The following IL1RAPL2 variants were observed in gnomAD, a reference collection of about 807,000 sequenced individuals.
The protein encoded by IL1RAPL2 is interleukin 1 receptor accessory protein like 2.
In IL1RAPL2, 3 loss-of-function variants were observed where a neutral mutation model predicts 44.1. That is an observed-to-expected ratio of 0.07 (90% CI 0.03 to 0.18). IL1RAPL2 has a LOEUF of 0.18. Ranked by LOEUF, IL1RAPL2 falls within the 10% of genes least tolerant of loss-of-function variation. The probability of loss-of-function intolerance (pLI) is 1.00; values close to 1 mark genes in which losing one functional copy is unlikely to be tolerated. For missense variants in IL1RAPL2, 391 were observed against 496.4 expected (o/e 0.79, Z 2.02); for synonymous variants, 181 against 178.8 (o/e 1.01, Z -0.10).
At chrX:104,743,984 A>G (rs778860901) in intron 2 of IL1RAPL2, among the ~76,000 whole-genome samples, 1 of 110,350 alleles carries the variant, frequency 9.1e-6, no homozygotes, top group African/African-American at 3.3e-5. Flanking sequence ...GCAGAAAACA[A>G]CCTCACCTAA....
At chrX:104,684,597 A>T (rs1930948985) in intron 2 of IL1RAPL2, among the ~76,000 whole-genome samples, 1 of 112,221 alleles carries the variant, frequency 8.9e-6, no homozygotes, top group East Asian at 2.8e-4. Context: ...GGGTCATCTG[A>T]AGAGCTTGCG....
chrX:105,649,649 C>G (rs1378084267), intron 6 of IL1RAPL2, among the ~76,000 whole-genome samples: 1 of 111,308 alleles, frequency 9.0e-6, no homozygotes, highest in Non-Finnish European at 1.9e-5. Context: ...TACAGAGAGG[C>G]AGAGGTCAGA....
chrX:105,002,294 G>A, intron 2 of IL1RAPL2, among the ~76,000 whole-genome samples: 1 of 111,241 alleles, frequency 9.0e-6, no homozygotes, highest in Non-Finnish European at 1.9e-5. Flanking sequence ...AACAGAACAA[G>A]TTTGAGTGTA....
At chrX:104,946,379 C>CAAAAAAAAAAAAAA (rs1157603029) in intron 2 of IL1RAPL2, among the ~76,000 whole-genome samples, 116 of 9,139 alleles carry the variant, frequency 0.013, 44 homozygotes, top group East Asian at 0.019. Flanking sequence ...GACTCCGTCT[C>CAAAAAAAAAAAAAA]AAAAAAAAAA....
chrX:104,770,652 G>A (rs1454554390), intron 2 of IL1RAPL2, among the ~76,000 whole-genome samples: 1 of 112,082 alleles, frequency 8.9e-6, no homozygotes, highest in Non-Finnish European at 1.9e-5. Flanking sequence ...GATTTAAAGC[G>A]AGAGTCTGAC....
At chrX:105,555,014 A>C in intron 6 of IL1RAPL2, among the ~76,000 whole-genome samples, 1 of 109,880 alleles carries the variant, frequency 9.1e-6, no homozygotes, top group East Asian at 2.9e-4. Flanking sequence ...ATCATAACTC[A>C]AACATTTTCA....
intron 6 of IL1RAPL2, among the ~76,000 whole-genome samples, chrX:105,683,413 G>A (rs1186292925): frequency 1.8e-5 from 2 of 111,456 alleles, no homozygotes; most frequent in African/African-American, 6.5e-5. Context: ...TGTCCACAAG[G>A]TCAGAATTAA....
At chrX:105,563,484 C>T (rs778706282) in intron 6 of IL1RAPL2, among the ~76,000 whole-genome samples, 3 of 111,662 alleles carry the variant, frequency 2.7e-5, no homozygotes, top group East Asian at 2.8e-4. Flanking sequence ...TAACAGAAAG[C>T]CCTTAGAAAG....
At chrX:105,293,489 G>A (rs1208290743) in intron 5 of IL1RAPL2, among the ~76,000 whole-genome samples, 2 of 112,035 alleles carry the variant, frequency 1.8e-5, no homozygotes, top group Non-Finnish European at 3.8e-5. Flanking sequence ...CCCACCAGCA[G>A]TGACTGAGAA....
chrX:105,230,223 C>T (rs1331807618), intron 3 of IL1RAPL2, among the ~76,000 whole-genome samples: 1 of 111,069 alleles, frequency 9.0e-6, no homozygotes, highest in Non-Finnish European at 1.9e-5. Context: ...TCTCTTGATA[C>T]ACTTCTTTTT....
chrX:104,675,633 A>G (rs1436727488), intron 2 of IL1RAPL2, among the ~76,000 whole-genome samples: 2 of 110,875 alleles, frequency 1.8e-5, no homozygotes, highest in African/African-American at 6.6e-5. Flanking sequence ...TGCAGAGCTG[A>G]GTTCAATTCC....
chrX:104,604,403 G>C (rs1229622019), intron 1 of IL1RAPL2, among the ~76,000 whole-genome samples: 3 of 110,429 alleles, frequency 2.7e-5, no homozygotes, highest in Non-Finnish European at 5.7e-5. Context: ...ATCAACTAAT[G>C]GTCAAAACAA....
At chrX:105,140,319 G>A (rs927384765) in intron 2 of IL1RAPL2, among the ~76,000 whole-genome samples, 1 of 112,208 alleles carries the variant, frequency 8.9e-6, no homozygotes, top group Non-Finnish European at 1.9e-5. Context: ...TACCTCTTCC[G>A]GCTTTCCTTC....
At chrX:104,576,326 T>C (rs1928243638) in intron 1 of IL1RAPL2, among the ~76,000 whole-genome samples, 1 of 111,665 alleles carries the variant, frequency 9.0e-6, no homozygotes, top group South Asian at 3.8e-4. Context: ...ACAGATACTA[T>C]TTAGCTCAGT....
At position 105,415,417 on chromosome X, in the gene IL1RAPL2, A is replaced by G. The variant is rs143390620; in HGVS notation, c.698-68896A>G. On this transcript the variant is annotated intron_variant, in intron 5 of 10. Transcript: ENST00000372582. ...TACTGCTATACCTACTCTCTTAAAT[A>G]TGGGAGTAGCATTATTTGTGTTCTA... is the stretch of plus-strand genomic sequence containing the variant. Among the ~76,000 whole-genome samples, 600 of 111,514 alleles carry G rather than the reference A, an allele frequency of 5.4e-3. 5 individuals carry two copies. The highest frequency in any genetic ancestry group is 0.018 in the African/African-American group (557 of 30,740).
intron 2 of IL1RAPL2, among the ~76,000 whole-genome samples, chrX:104,860,583 AT>A (rs201794525): frequency 4.5e-5 from 5 of 109,948 alleles, no homozygotes; most frequent in African/African-American, 1.7e-4. Context: ...AGAAGTGTAG[AT>A]TTTTTTTTAT....
At chrX:105,256,178 A>G (rs749843991) in intron 4 of IL1RAPL2, among the ~76,000 whole-genome samples, 2 of 110,721 alleles carry the variant, frequency 1.8e-5, no homozygotes, top group African/African-American at 6.6e-5. Context: ...GTTGGGGAGG[A>G]GTCCCTCCTC....
intron 6 of IL1RAPL2, among the ~76,000 whole-genome samples, chrX:105,621,160 G>T (rs1357665946): frequency 9.0e-6 from 1 of 111,514 alleles, no homozygotes; most frequent in Non-Finnish European, 1.9e-5. Flanking sequence ...CAAGGAAGAG[G>T]TTTATAAACA....
At chrX:105,328,247 C>T (rs989531309) in intron 5 of IL1RAPL2, among the ~76,000 whole-genome samples, 1 of 111,718 alleles carries the variant, frequency 9.0e-6, no homozygotes, top group Non-Finnish European at 1.9e-5. Context: ...TTGCCTTGTA[C>T]CCTCCAAGAA....
Sources: allele counts gnomAD v4.1 joint callset (sites outside exome capture counted in the v4.1 genomes callset), GRCh38; gene constraint gnomAD v4.1.1; transcripts MANE v1.5; gene names NCBI Gene and HGNC (gene_info 2026-07-23, HGNC 2026-07-21).